The following SPEN variants were observed in gnomAD, a reference collection of about 807,000 sequenced individuals.
The protein encoded by SPEN is msx2-interacting protein.
Under a neutral mutation model 269.9 loss-of-function variants are expected in SPEN, and 18 were observed. That is an observed-to-expected ratio of 0.07 (90% CI 0.05 to 0.10). The LOEUF is 0.10. Among genes scored for constraint, SPEN ranks in the 10% least tolerant of loss-of-function variants. SPEN has a pLI of 1.00. For synonymous variants in SPEN, 1,726 were observed against 1,765.7 expected (o/e 0.98, Z 0.56); for missense variants, 3,822 against 4,631.2 (o/e 0.83, Z 5.07).
In SPEN at chr1:15,930,770, T is replaced by A; in HGVS notation, c.4530T>A (p.Asp1510Glu). The change falls in exon 11 of 15, where the codon GAT becomes GAA. Residue 1510 changes from aspartate to glutamate, a missense_variant. Transcript: ENST00000375759. The surrounding 1 kb of genome is among the most constrained non-coding windows in gnomAD (Gnocchi z 5.3). ...IRTDSEGKMD[D>E]KKEDHKEEEQ... Reference sequence around the variant, plus strand: ...CTGATTCAGAAGGGAAAATGGATGATAAGAAAGAGGACCATAAAGAAGAAG... The same window carrying A: ...CTGATTCAGAAGGGAAAATGGATGAAAAGAAAGAGGACCATAAAGAAGAAG... 6.2e-7 allele frequency: 1 copy of A among 1,614,140 alleles called. No individual in the cohort carries two copies. Among genetic ancestry groups the A allele is most frequent in the Non-Finnish European group, 8.5e-7 (1 of 1,180,028 alleles).
In SPEN at chr1:15,936,039, G is replaced by A. The variant is rs1353906548; in HGVS notation, c.9799G>A (p.Ala3267Thr). The A allele has an allele frequency of 6.3e-7, 1 of 1,590,530 alleles. No homozygotes were observed. Among genetic ancestry groups the A allele is most frequent in the Non-Finnish European group, 8.6e-7 (1 of 1,166,074 alleles). ...CCCTGCTCCTGCCCCTCATGGTGAGGCCCGTATCCTCACAGTTACCCCCAG... is the reference window on the plus strand; with the variant it reads ...CCCTGCTCCTGCCCCTCATGGTGAGACCCGTATCCTCACAGTTACCCCCAG... Reference protein sequence around the residue: ...PAPAPAPHGEARILTVTPSNQ... With the variant: ...PAPAPAPHGETRILTVTPSNQ... Residue 3267 changes from alanine (A) to threonine (T), a missense_variant, in exon 11 of 15, where the codon GCC becomes ACC. By Grantham distance (58) the Ala-to-Thr change is moderately conservative. This residue lies in a region of SPEN where 359 missense variants were observed against 377.3 expected (regional missense o/e 0.95). Coordinates refer to ENST00000375759, the MANE Select transcript of SPEN (RefSeq NM_015001.3).
Position 15,876,427 on chromosome 1 carries a change from A to G in SPEN, c.630A>G (p.Thr210=). The G allele has an allele frequency of 1.9e-6, 3 of 1,614,138 alleles. No individual in the cohort carries two copies. Among genetic ancestry groups the G allele is most frequent in the Non-Finnish European group, 2.5e-6 (3 of 1,180,028 alleles). Reference sequence around the variant, plus strand: ...AACCTAGGGCTCGCGAGCAGTTTACACTGCCCAGTGTGGTACACAGGGATA... The same window carrying G: ...AACCTAGGGCTCGCGAGCAGTTTACGCTGCCCAGTGTGGTACACAGGGATA... The part of the protein sequence containing the change: ...RYEPRAREQF[T]LPSVVHRDIY... The change falls in exon 3 of 15, where the codon ACA becomes ACG. Residue 210 remains threonine, a synonymous_variant. Transcript: ENST00000375759.
rs753968213 is a variant in SPEN, at chr1:15,933,328, A to G, written c.7088A>G (p.Gln2363Arg). 6.2e-7 allele frequency: 1 copy of G among 1,613,776 alleles called. No homozygotes were observed. Among genetic ancestry groups the G allele is most frequent in the Non-Finnish European group, 8.5e-7 (1 of 1,179,688 alleles). The change falls in exon 11 of 15, where the codon CAA (glutamine) becomes CGA (arginine). Residue 2363 changes from glutamine to arginine, a missense_variant. Physicochemically the swap from Gln to Arg is conservative, Grantham distance 43. Coordinates refer to ENST00000375759, the MANE Select transcript of SPEN (RefSeq NM_015001.3). The surrounding 1 kb of genome is among the most constrained non-coding windows in gnomAD (Gnocchi z 5.7). ...CATGTCCCTGAATCCAACCAAGCTC[A>G]AGGTGAGAGTCCTGCTGCAAATGAG... ...ESHVPESNQA[Q>R]GESPAANEGT...
Position 15,931,028 on chromosome 1 carries a change from A to G in SPEN, c.4788A>G (p.Lys1596=). ...RFMELTRMQQ[K]EKEKDQKPKE... is the part of the protein sequence containing the mutation. ...TGGAGCTCACACGGATGCAACAGAA[A>G]GAAAAAGAAAAAGACCAGAAACCCA... Residue 1596 remains lysine (K), a synonymous_variant, in exon 11 of 15, where the codon AAA becomes AAG. Transcript: ENST00000375759. This position sits in a 1 kb window ranked among gnomAD's most constrained non-coding sequence, Gnocchi z 4.8. 1 of 1,613,528 alleles carries G rather than the reference A, an allele frequency of 6.2e-7. No individual in the cohort carries two copies.
At position 15,936,218 on chromosome 1, in the gene SPEN, C is replaced by A. The variant is rs753462734; in HGVS notation, c.9978C>A (p.Pro3326=). Residue 3326 remains proline, a synonymous_variant, in exon 11 of 15, where the codon CCC becomes CCA. Coordinates refer to ENST00000375759, the MANE Select transcript of SPEN (RefSeq NM_015001.3). ...CCCAGCTCACACACACTCAGTTTCC[C>A]GCCGCTTCCTCTGTTGGCCTGCCTT... ...PPAQLTHTQF[P]AASSVGLPSR... is the part of the protein sequence containing the mutation. 6.4e-7 allele frequency: 1 copy of A among 1,564,804 alleles called. No individual in the cohort carries two copies. The highest frequency in any genetic ancestry group is 1.2e-5 in the South Asian group (1 of 84,368).
intron 11 of SPEN, among the ~76,000 whole-genome samples, chr1:15,936,620 G>A (rs1227578692): frequency 6.7e-6 from 1 of 149,734 alleles, no homozygotes; most frequent in African/African-American, 2.5e-5. Context: ...CTAGGCTCCA[G>A]TGACAGAGCG....
chr1:15,927,688 G>C (rs1488136006), intron 10 of SPEN, among the ~76,000 whole-genome samples: 1 of 152,100 alleles, frequency 6.6e-6, no homozygotes, highest in African/African-American at 2.4e-5. Context: ...ATTAAAAAAG[G>C]GTTGAATCAC....
At chr1:15,911,817 T>C (rs888802588) in intron 5 of SPEN, among the ~76,000 whole-genome samples, 2 of 152,092 alleles carry the variant, frequency 1.3e-5, no homozygotes, top group African/African-American at 4.8e-5. Flanking sequence ...AAAAATTAGC[T>C]GGGCGTGGTG....
chr1:15,874,537 G>A (rs772721573), intron 2 of SPEN: 7 of 484,204 alleles, frequency 1.4e-5, no homozygotes, highest in Middle Eastern at 8.1e-4. Context: ...GCTAGCTCTT[G>A]TGCCTGCCTT....
chr1:15,876,949 G>C (rs1357059053), intron 3 of SPEN, among the ~76,000 whole-genome samples: 1 of 152,170 alleles, frequency 6.6e-6, no homozygotes, highest in African/African-American at 2.4e-5. Flanking sequence ...GACTCTAGCT[G>C]TGCAAGGCAA....
chr1:15,898,730 T>C (rs2070867073), intron 3 of SPEN, among the ~76,000 whole-genome samples: 1 of 151,826 alleles, frequency 6.6e-6, no homozygotes, highest in Non-Finnish European at 1.5e-5. Context: ...CTGGCTAATT[T>C]TTTTGTGTTT....
At position 15,850,215 on chromosome 1, in the gene SPEN, G is replaced by A. The variant is rs919173101; in HGVS notation, c.83+2065G>A. Reference sequence around the variant, plus strand: ...GAGGAGGGGGCGGAGGATTCGAGCTGCCTTGGAAAGCGGCAGTCTGGAGGA... The same window carrying A: ...GAGGAGGGGGCGGAGGATTCGAGCTACCTTGGAAAGCGGCAGTCTGGAGGA... On this transcript the variant is annotated intron_variant, in intron 1 of 14. Transcript: ENST00000375759. Among the ~76,000 whole-genome samples, 3 of 152,258 alleles carry A rather than the reference G, an allele frequency of 2.0e-5. No individual in the cohort carries two copies. In the South Asian group the frequency reaches 6.2e-4, roughly 32 times the overall value.
intron 5 of SPEN, among the ~76,000 whole-genome samples, chr1:15,912,516 A>G (rs189240143): frequency 1.1e-3 from 170 of 152,340 alleles, no homozygotes; most frequent in African/African-American, 3.4e-3. Flanking sequence ...TTAAAAAGAA[A>G]AAAATGTAGT....
In SPEN at chr1:15,933,776, T is replaced by G; in HGVS notation, c.7536T>G (p.Ser2512=). Residue 2512 remains serine, a synonymous_variant, in exon 11 of 15, where the codon TCT becomes TCG. Coordinates refer to ENST00000375759, the MANE Select transcript of SPEN (RefSeq NM_015001.3). The surrounding 1 kb of genome is among the most constrained non-coding windows in gnomAD (Gnocchi z 5.7). ...ITRQEEPRAQ[S]TPSPALPPDT... ...GGCAGGAGGAGCCACGGGCTCAGTCTACTCCATCTCCAGCTCTTCCCCCAG... is the reference window on the plus strand; with the variant it reads ...GGCAGGAGGAGCCACGGGCTCAGTCGACTCCATCTCCAGCTCTTCCCCCAG... 7 of 1,613,898 alleles carry G rather than the reference T, an allele frequency of 4.3e-6. No homozygotes were observed. The highest frequency in any genetic ancestry group is 5.9e-6 in the Non-Finnish European group (7 of 1,180,032).
intron 1 of SPEN, among the ~76,000 whole-genome samples, chr1:15,861,134 C>CTTTTTTTT (rs1169274095): frequency 7.3e-6 from 1 of 136,128 alleles, no homozygotes; most frequent in Non-Finnish European, 1.6e-5. Context: ...GGCTGAGTGA[C>CTTTTTTTT]TTTTTTTTTT....
intron 10 of SPEN, among the ~76,000 whole-genome samples, chr1:15,925,039 T>C (rs2071153175): frequency 1.3e-5 from 2 of 152,232 alleles, no homozygotes; most frequent in Admixed American, 1.3e-4. Flanking sequence ...AATGCTTTAA[T>C]GCTAATGATA....
Position 15,929,239 on chromosome 1 carries a change from C to T in SPEN, c.2999C>T (p.Pro1000Leu), listed in dbSNP as rs1377389374. The change falls in exon 11 of 15, where the codon CCA (proline) becomes CTA (leucine). Residue 1000 changes from proline to leucine, a missense_variant. Physicochemically the swap from Pro to Leu is moderately conservative, Grantham distance 98. Around this residue, in one of 16 missense-constraint regions of SPEN, gnomAD observed 572 missense variants for 582.6 expected, o/e 0.98. Transcript: ENST00000375759. This position sits in a 1 kb window ranked among gnomAD's most constrained non-coding sequence, Gnocchi z 5.8. ...DSNLKAEKQK[P>L]EVKKSSPEME... ...AATTTAAAAGCAGAAAAGCAAAAAC[C>T]AGAGGTCAAGAAAAGCAGTCCAGAG... is the stretch of plus-strand genomic sequence containing the variant. 2 of 1,614,092 alleles carry T rather than the reference C, an allele frequency of 1.2e-6. No homozygotes were observed. The highest frequency in any genetic ancestry group is 1.1e-5 in the South Asian group (1 of 91,082).
chr1:15,860,070 C>T (rs935990786), intron 1 of SPEN, among the ~76,000 whole-genome samples: 3 of 151,482 alleles, frequency 2.0e-5, no homozygotes, highest in Non-Finnish European at 4.4e-5. Flanking sequence ...CGCCACCACA[C>T]CCGGCTAATT....
chr1:15,887,578 A>C (rs2070748892), intron 3 of SPEN, among the ~76,000 whole-genome samples: 1 of 150,944 alleles, frequency 6.6e-6, no homozygotes, highest in Non-Finnish European at 1.5e-5. Flanking sequence ...TACAGGCGTG[A>C]GCCACTGTGC....
Sources: allele counts gnomAD v4.1 joint callset (sites outside exome capture counted in the v4.1 genomes callset), GRCh38; gene constraint gnomAD v4.1.1; regional missense constraint gnomAD v4.1.1; non-coding constraint Gnocchi (gnomAD v3.1); transcripts MANE v1.5; gene names NCBI Gene and HGNC (gene_info 2026-07-23, HGNC 2026-07-21).